Variants in TG observed in about 807,000 individuals in gnomAD.
The protein encoded by TG is thyroglobulin.
In TG, 270 loss-of-function variants were observed where a neutral mutation model predicts 324.7. That is an observed-to-expected ratio of 0.83 (90% confidence interval 0.75 to 0.92). The LOEUF is 0.92. Among genes scored for constraint, TG ranks in the 40% least tolerant of loss-of-function variants. The probability of loss-of-function intolerance (pLI) is 0.00; values close to 1 mark genes in which losing one functional copy is unlikely to be tolerated. For synonymous variants in TG, 1,401 were observed against 1,327.0 expected (o/e 1.06, Z -1.21); for missense variants, 3,591 against 3,456.4 (o/e 1.04, Z -0.98).
rs1181430730 is a variant in TG at position 132,893,803 on chromosome 8, G to A, written c.2875G>A (p.Val959Met). 7 of 1,613,874 alleles carry A rather than the reference G, an allele frequency of 4.3e-6. No individual in the cohort carries two copies. Among genetic ancestry groups the A allele is most frequent in the Non-Finnish European group, 5.9e-6 (7 of 1,179,942 alleles). Residue 959 changes from valine (V) to methionine (M), a missense_variant, in exon 11 of 48, where the codon GTG becomes ATG. Val to Met is a conservative substitution (Grantham distance 21). Coordinates refer to ENST00000220616, the MANE Select transcript of TG (RefSeq NM_003235.5). The stretch of plus-strand genomic sequence containing the variant: ...GTTCCCTCTGGGGGAGAGTTTCCTG[G>A]TGGCCAAGGGAATCCGGCTGAGGAA... ...SRFPLGESFL[V>M]AKGIRLRNED...
intron 16 of TG, among the ~76,000 whole-genome samples, 156 bp from the exon 17 acceptor site, chr8:132,906,532 G>A (rs1173680266): frequency 6.6e-6 from 1 of 152,096 alleles, no homozygotes; most frequent in Admixed American, 6.5e-5. Context: ...AGAAAGGGGA[G>A]CAGGCCCAGG....
intron 40 of TG, among the ~76,000 whole-genome samples, chr8:133,029,296 T>C (rs1166939543): frequency 6.6e-6 from 1 of 151,564 alleles, no homozygotes; most frequent in African/African-American, 2.4e-5. Context: ...AGGAAAGAGA[T>C]CAATTCAGTT....
chr8:132,955,444 C>T (rs1337486184), intron 27 of TG, among the ~76,000 whole-genome samples: 1 of 152,198 alleles, frequency 6.6e-6, no homozygotes, highest in African/African-American at 2.4e-5. Context: ...TCCTTCAGAT[C>T]CGTGACTGAT....
intron 17 of TG, among the ~76,000 whole-genome samples, 185 bp downstream of exon 17, chr8:132,907,085 TCA>T (rs933751417): frequency 1.6e-4 from 25 of 152,306 alleles, no homozygotes; most frequent in African/African-American, 5.5e-4. Context: ...CAGATGTCCT[TCA>T]CAGACTCCTG....
chr8:132,997,385 G>T (rs1832984259), intron 35 of TG, among the ~76,000 whole-genome samples: 1 of 152,168 alleles, frequency 6.6e-6, no homozygotes, highest in Admixed American at 6.5e-5. Flanking sequence ...TGGGCAGAGG[G>T]TCTAGCCTGG....
At chr8:132,953,279 G>A (rs1299673213) in intron 27 of TG, among the ~76,000 whole-genome samples, 2 of 152,156 alleles carry the variant, frequency 1.3e-5, no homozygotes, top group Admixed American at 6.5e-5. Context: ...AGCAGCCCCT[G>A]TGTTTCCTCC....
intron 43 of TG, 88 bp from the exon 44 acceptor site, chr8:133,113,334 A>G (rs1850419297): frequency 2.0e-6 from 3 of 1,512,614 alleles, no homozygotes; most frequent in Non-Finnish European, 2.7e-6. Context: ...CTTCCCAGAG[A>G]GAAAATTCTA....
chr8:133,131,604 G>A (rs559456641), intron 45 of TG, among the ~76,000 whole-genome samples: 1 of 152,316 alleles, frequency 6.6e-6, no homozygotes, highest in East Asian at 1.9e-4. Context: ...CAACAGACAT[G>A]CCATGGATCT....
chr8:132,962,432 A>T (rs1827889216), intron 28 of TG, among the ~76,000 whole-genome samples: 1 of 152,166 alleles, frequency 6.6e-6, no homozygotes, highest in Non-Finnish European at 1.5e-5. Flanking sequence ...GAAATTTCTG[A>T]TAAAGTGTTA....
chr8:133,128,610 G>A (rs975694830), intron 45 of TG, among the ~76,000 whole-genome samples: 9 of 152,286 alleles, frequency 5.9e-5, no homozygotes, highest in African/African-American at 2.2e-4. Flanking sequence ...ATTCAGCAGT[G>A]GAAGTGGGAC....
chr8:132,868,007 T>C (rs1839127312), intron 1 of TG, 108 bp from the exon 2 acceptor site: 1 of 961,548 alleles, frequency 1.0e-6, no homozygotes, highest in Non-Finnish European at 1.7e-6. Flanking sequence ...TAGGCTGTCA[T>C]AGGTAATGAT....
chr8:132,911,750 C>T (rs966137875), intron 19 of TG, among the ~76,000 whole-genome samples: 3 of 152,304 alleles, frequency 2.0e-5, no homozygotes, highest in Non-Finnish European at 2.9e-5. Context: ...GGTTCTGTGT[C>T]GTGAACATCT....
At chr8:132,948,341 G>A (rs1229028559) in intron 26 of TG, among the ~76,000 whole-genome samples, 5 of 152,134 alleles carry the variant, frequency 3.3e-5, no homozygotes, top group Admixed American at 2.6e-4. Context: ...GAAAGAGAGA[G>A]AGTGAATATG....
chr8:133,097,729 T>C (rs933899115), intron 43 of TG, among the ~76,000 whole-genome samples: 5 of 152,192 alleles, frequency 3.3e-5, no homozygotes, highest in African/African-American at 1.2e-4. Flanking sequence ...GATGTAGAGA[T>C]GTGAGAAAGA....
At chr8:133,078,391 G>A (rs1477389500) in intron 41 of TG, among the ~76,000 whole-genome samples, 1 of 152,194 alleles carries the variant, frequency 6.6e-6, no homozygotes, top group Admixed American at 6.5e-5. Context: ...AGCCAGGGAG[G>A]ACTGTATTGT....
intron 41 of TG, chr8:133,064,057 C>G (rs1342941150): frequency 6.6e-6 from 1 of 152,164 alleles, no homozygotes; most frequent in African/African-American, 2.4e-5. Flanking sequence ...TTCTCCCTTT[C>G]CTTGGTGGTG....
At chr8:133,013,179 G>A (rs1339162086) in intron 36 of TG, among the ~76,000 whole-genome samples, 3 of 152,230 alleles carry the variant, frequency 2.0e-5, no homozygotes, top group African/African-American at 7.2e-5. Context: ...TCAGAGGGTT[G>A]GGTTTCTCAT....
At chr8:132,996,592 C>T (rs186160318) in intron 35 of TG, among the ~76,000 whole-genome samples, 9 of 152,212 alleles carry the variant, frequency 5.9e-5, no homozygotes, top group Non-Finnish European at 1.0e-4. Flanking sequence ...AACTAAAGCA[C>T]AGTTTTTGAT....
At chr8:133,048,559 C>G (rs1839884919) in intron 41 of TG, 1 of 155,712 alleles carries the variant, frequency 6.4e-6, no homozygotes, top group Non-Finnish European at 1.4e-5. Context: ...ATGTGATCAC[C>G]TCTGTTGGAT....
Sources: allele counts gnomAD v4.1 joint callset (sites outside exome capture counted in the v4.1 genomes callset), GRCh38; gene constraint gnomAD v4.1.1; transcripts MANE v1.5; gene names NCBI Gene and HGNC (gene_info 2026-07-23, HGNC 2026-07-21).